Variants in IKZF5 observed in about 807,000 individuals in gnomAD.
IKZF5 encodes IKAROS family zinc finger 5, also known as zinc finger protein Pegasus.
In IKZF5, 4 loss-of-function variants were observed where a neutral mutation model predicts 30.7. The observed-to-expected ratio is 0.13, with a 90% CI of 0.06 to 0.30. The LOEUF (loss-of-function observed/expected upper bound fraction) is 0.30. IKZF5 is among the 10% of genes least tolerant of loss of function. The pLI, the probability that IKZF5 is intolerant of heterozygous loss-of-function variation, is 1.00. For missense variants in IKZF5, 348 were observed against 525.5 expected (o/e 0.66, Z 3.30); for synonymous variants, 148 against 179.6 (o/e 0.82, Z 1.41).
Position 122,993,632 on chromosome 10 carries a change from A to G in IKZF5, c.*148T>C. 1.2e-5 allele frequency: 6 copies of G among 520,658 alleles called. No individual in the cohort carries two copies. The South Asian group carries it at 2.1e-4, about 18-fold the overall frequency. 32.3% of individuals were successfully genotyped at this position (520,658 alleles called of 1,614,324 possible). On this transcript the variant is annotated 3_prime_UTR_variant, in exon 5 of 5. Coordinates refer to ENST00000368886, the MANE Select transcript of IKZF5 (RefSeq NM_001372123.1). ...CAGATTTTTATGAAAAAAAGGGGAA[A>G]TTTTATTCCACTGACAAATTTATAT...
intron 2 of IKZF5, among the ~76,000 whole-genome samples, chr10:123,006,040 G>A (rs2133428697): frequency 6.6e-6 from 1 of 152,240 alleles, no homozygotes; most frequent in South Asian, 2.1e-4. Flanking sequence ...GGAATTCCAT[G>A]GGGTGTAGGT....
intron 4 of IKZF5, among the ~76,000 whole-genome samples, chr10:122,995,521 T>C (rs982348604): frequency 1.3e-5 from 2 of 150,392 alleles, no homozygotes; most frequent in African/African-American, 2.5e-5. Flanking sequence ...AGGAAGGACG[T>C]CTGACCTGGT....
In IKZF5 at chr10:122,993,795, T is replaced by C. The variant is rs911291891; in HGVS notation, c.1245A>G (p.Gln415=). 1 of 1,599,668 alleles carries C rather than the reference T, an allele frequency of 6.3e-7. No homozygotes were observed. The highest frequency in any genetic ancestry group is 8.6e-7 in the Non-Finnish European group (1 of 1,169,492). Residue 415 remains glutamine (Q), a synonymous_variant, in exon 5 of 5, where the codon CAA becomes CAG. Coordinates refer to ENST00000368886, the MANE Select transcript of IKZF5 (RefSeq NM_001372123.1). ...CTATTTTCAATCAATGTTGGTTATG[T>C]TGCCCTCTTGCAAAATGACAGGCAA... ...YDFACHFARG[Q]HNQH
chr10:122,999,669 T>C (rs549764253), intron 2 of IKZF5, among the ~76,000 whole-genome samples: 1 of 152,342 alleles, frequency 6.6e-6, no homozygotes, highest in South Asian at 2.1e-4. Context: ...TCACCACCTC[T>C]ACTACCTATC....
chr10:123,008,661 C>T (rs1275987626), intron 1 of IKZF5, 33 bp downstream of exon 1: 2 of 393,064 alleles, frequency 5.1e-6, no homozygotes, highest in South Asian at 2.4e-5. Flanking sequence ...CCTGCCGCGT[C>T]GCCGCCGTCC....
chr10:122,998,719 A>G (rs1849479471), intron 2 of IKZF5, 48 bp from the exon 3 acceptor site: 7 of 1,078,234 alleles, frequency 6.5e-6, no homozygotes, highest in Non-Finnish European at 6.7e-6. Flanking sequence ...ATAGCAAACA[A>G]ATGACAAAAG....
rs1466044486 is a variant in IKZF5, at chr10:122,990,808, C to G, written c.*2972G>C. 6.6e-6 allele frequency: 1 copy of G among 150,380 alleles called. No individual in the cohort carries two copies. The highest frequency in any genetic ancestry group is 2.5e-5 in the African/African-American group (1 of 40,604). 9.3% of individuals were successfully genotyped at this position (150,380 alleles called of 1,614,324 possible). On this transcript the variant is annotated 3_prime_UTR_variant, in exon 5 of 5. Coordinates refer to ENST00000368886, the MANE Select transcript of IKZF5 (RefSeq NM_001372123.1). The stretch of plus-strand genomic sequence containing the variant: ...TTTTCCAAAAAAGAAAAACCAAGGT[C>G]ATTAGAAAGTCTTATTTATTTATTA...
intron 3 of IKZF5, among the ~76,000 whole-genome samples, chr10:122,997,854 C>A (rs952029414): frequency 6.6e-6 from 1 of 152,186 alleles, no homozygotes; most frequent in Admixed American, 6.5e-5. Context: ...CATTATTCTC[C>A]TTTTGACACT....
chr10:122,994,179 C>A lies in IKZF5; in HGVS notation c.861G>T (p.Met287Ile). The change falls in exon 5 of 5, where the codon ATG becomes ATT. Residue 287 changes from methionine (M) to isoleucine (I), a missense_variant. By Grantham distance (10) the Met-to-Ile change is conservative. Coordinates refer to ENST00000368886, the MANE Select transcript of IKZF5 (RefSeq NM_001372123.1). The surrounding 1 kb of genome is among the most constrained non-coding windows in gnomAD (Gnocchi z 5.6). ...CTGCTTGGGTAGAGGGCTGCTGAATCATGAAAGGCTTTTCATCAGGGCAGG... is the reference window on the plus strand; with the variant it reads ...CTGCTTGGGTAGAGGGCTGCTGAATAATGAAAGGCTTTTCATCAGGGCAGG... The part of the protein sequence containing the change: ...VVPCPDEKPF[M>I]IQQPSTQAVV... The A allele has an allele frequency of 6.2e-7, 1 of 1,614,122 alleles. No homozygotes were observed. The highest frequency in any genetic ancestry group is 8.5e-7 in the Non-Finnish European group (1 of 1,180,038).
intron 3 of IKZF5, among the ~76,000 whole-genome samples, chr10:122,996,903 A>G (rs1256907438): frequency 1.3e-5 from 2 of 152,140 alleles, no homozygotes; most frequent in Admixed American, 1.3e-4. Context: ...CCCTAACTCT[A>G]TTTATTTTAG....
Position 122,994,330 on chromosome 10 carries a change from C to T in IKZF5, c.710G>A (p.Gly237Asp). 4.3e-6 allele frequency: 7 copies of T among 1,613,942 alleles called. No homozygotes were observed. The highest frequency in any genetic ancestry group is 5.9e-6 in the Non-Finnish European group (7 of 1,180,002). The part of the protein sequence containing the change: ...YESMAKTTPT[G>D]GLPRDPQELM... ...TTCTTGGGGGTCCCTTGGAAGGCCACCAGTTGGTGTGGTTTTTGCCATACT... is the reference window on the plus strand; with the variant it reads ...TTCTTGGGGGTCCCTTGGAAGGCCATCAGTTGGTGTGGTTTTTGCCATACT... Residue 237 changes from glycine (G) to aspartate (D), a missense_variant, in exon 5 of 5, where the codon GGT (glycine) becomes GAT (aspartate). Physicochemically the swap from Gly to Asp is moderately conservative, Grantham distance 94 (BLOSUM62 -1). Around this residue, in one of 4 missense-constraint regions of IKZF5, gnomAD observed 176 missense variants for 198.2 expected, o/e 0.89. Transcript: ENST00000368886. This position sits in a 1 kb window ranked among gnomAD's most constrained non-coding sequence, Gnocchi z 5.6.
intron 2 of IKZF5, among the ~76,000 whole-genome samples, chr10:123,001,044 C>G (rs1024919297): frequency 6.6e-6 from 1 of 150,868 alleles, no homozygotes; most frequent in African/African-American, 2.4e-5. Flanking sequence ...GAATCTCACT[C>G]TGTCGCCCAG....
At chr10:123,005,349 T>C (rs1214516839) in intron 2 of IKZF5, among the ~76,000 whole-genome samples, 5 of 152,218 alleles carry the variant, frequency 3.3e-5, no homozygotes, top group Non-Finnish European at 7.3e-5. Flanking sequence ...AAATATACTT[T>C]AGAAAATCCA....
chr10:123,003,072 C>T (rs1849651272), intron 2 of IKZF5, among the ~76,000 whole-genome samples: 1 of 151,074 alleles, frequency 6.6e-6, no homozygotes, highest in African/African-American at 2.4e-5. Flanking sequence ...TTCTTGTTGC[C>T]CAGGCTGGAG....
rs761468259 is a variant in IKZF5, at chr10:122,994,037, T to C, written c.1003A>G (p.Ser335Gly). 7 of 1,614,112 alleles carry C rather than the reference T, an allele frequency of 4.3e-6. No homozygotes were observed. In the South Asian group the frequency reaches 6.6e-5, roughly 15 times the overall value. ...ATGCTGGGAGTGCTCGTGTGGGCAC[T>C]TGGCTCACTGCTTGGACCTGCCACT... ...SPVAGPSSEP[S>G]AHTSTPSIGN... The change falls in exon 5 of 5, where the codon AGT becomes GGT. Residue 335 changes from serine to glycine, a missense_variant. Physicochemically the swap from Ser to Gly is moderately conservative, Grantham distance 56. This residue lies in a region of IKZF5 where 176 missense variants were observed against 198.2 expected (regional missense o/e 0.89). Coordinates refer to ENST00000368886, the MANE Select transcript of IKZF5 (RefSeq NM_001372123.1). The surrounding 1 kb of genome is among the most constrained non-coding windows in gnomAD (Gnocchi z 5.6).
Position 122,990,896 on chromosome 10 carries a change from C to G in IKZF5, c.*2884G>C, listed in dbSNP as rs1222275225. 6.7e-6 allele frequency: 1 copy of G among 149,638 alleles called. No individual in the cohort carries two copies. Among genetic ancestry groups the G allele is most frequent in the Non-Finnish European group, 1.5e-5 (1 of 67,648 alleles). 9.3% of individuals were successfully genotyped at this position (149,638 alleles called of 1,614,324 possible). On this transcript the variant is annotated 3_prime_UTR_variant, in exon 5 of 5. Transcript: ENST00000368886. Reference sequence around the variant, plus strand: ...TAGATATAGTTATTTCTGCATTAAACTGCTTTCCGGAATCCCTAAACAATA... The same window carrying G: ...TAGATATAGTTATTTCTGCATTAAAGTGCTTTCCGGAATCCCTAAACAATA...
In IKZF5 at chr10:123,008,776, G is replaced by A. The variant is rs2277250; in HGVS notation, c.-280C>T. 0.61 allele frequency: 368,881 copies of A among 607,124 alleles called. 117,738 individuals carry two copies. The highest frequency in any genetic ancestry group is 0.69 in the Non-Finnish European group (235,272 of 339,718). The allele number at this position is 607,124 out of a possible 1,614,324, so 37.6% of individuals were successfully genotyped here. On this transcript the variant is annotated 5_prime_UTR_variant, in exon 1 of 5. Transcript: ENST00000368886. ...CGCCGTCTTCGTCACCGTCACAGTC[G>A]CCGCCGCCATCTTTGTTGTGTCTCC...
chr10:123,001,298 G>A (rs190226056), intron 2 of IKZF5, among the ~76,000 whole-genome samples: 3 of 152,082 alleles, frequency 2.0e-5, no homozygotes, highest in Non-Finnish European at 1.5e-5. Flanking sequence ...GAGCCACTGC[G>A]CCCGGCCTTC....
intron 1 of IKZF5, 23 bp downstream of exon 1, chr10:123,008,671 C>T: frequency 2.4e-6 from 1 of 409,024 alleles, no homozygotes; most frequent in Non-Finnish European, 4.6e-6. Flanking sequence ...CGCCGCCGTC[C>T]GAGCCGGCAG....
Sources: allele counts gnomAD v4.1 joint callset (sites outside exome capture counted in the v4.1 genomes callset), GRCh38; gene constraint gnomAD v4.1.1; regional missense constraint gnomAD v4.1.1; non-coding constraint Gnocchi (gnomAD v3.1); transcripts MANE v1.5; gene names NCBI Gene and HGNC (gene_info 2026-07-23, HGNC 2026-07-21).